Variants in MAN1C1 observed in about 807,000 individuals in gnomAD.
The protein encoded by MAN1C1 is mannosidase alpha class 1C member 1, also known as mannosyl-oligosaccharide 1,2-alpha-mannosidase IC.
MAN1C1 carries 49 observed loss-of-function variants against 71.5 expected under a neutral mutation model. The observed-to-expected ratio is 0.69, with a 90% CI of 0.54 to 0.87. The LOEUF is 0.87. MAN1C1 is among the 40% of genes least tolerant of loss of function. MAN1C1 has a pLI of 0.00. For missense variants in MAN1C1, 743 were observed against 835.0 expected (o/e 0.89, Z 1.36); for synonymous variants, 352 against 343.7 (o/e 1.02, Z -0.27).
intron 2 of MAN1C1, among the ~76,000 whole-genome samples, chr1:25,699,839 T>C (rs964891396): frequency 6.6e-6 from 1 of 152,132 alleles, no homozygotes; most frequent in Non-Finnish European, 1.5e-5. Context: ...CATGGCCACC[T>C]CTCTGGAAGG....
At chr1:25,728,720 C>T (rs1379367606) in intron 2 of MAN1C1, among the ~76,000 whole-genome samples, 3 of 152,172 alleles carry the variant, frequency 2.0e-5, no homozygotes, top group Non-Finnish European at 4.4e-5. Flanking sequence ...TATGCCCACA[C>T]CCCATTGGGT....
Position 25,687,437 on chromosome 1 carries a change from C to G in MAN1C1, c.637+901C>G, listed in dbSNP as rs76656855. Among the ~76,000 whole-genome samples the G allele has an allele frequency of 8.7e-3, 1,318 of 152,284 alleles. 25 individuals are homozygous for G. Among genetic ancestry groups the G allele is most frequent in the African/African-American group, 0.03 (1,232 of 41,542 alleles). ...CTTGTCTGCAGCCTGGCCTCCATCT[C>G]CCCTGAGGGACAGGAGTGGTGTGGG... On this transcript the variant is annotated intron_variant, in intron 2 of 11. Transcript: ENST00000374332.
chr1:25,745,375 A>G (rs1381683818), intron 2 of MAN1C1, among the ~76,000 whole-genome samples: 1 of 152,026 alleles, frequency 6.6e-6, no homozygotes, highest in Non-Finnish European at 1.5e-5. Context: ...GGTTATAAGA[A>G]AGTAACCCAT....
chr1:25,719,576 C>T (rs1198011870), intron 2 of MAN1C1, among the ~76,000 whole-genome samples: 1 of 151,848 alleles, frequency 6.6e-6, no homozygotes, highest in East Asian at 1.9e-4. Context: ...AGGCACATGC[C>T]ACCTTTCCCG....
intron 6 of MAN1C1, chr1:25,760,221 T>G (rs766732070): frequency 5.9e-5 from 9 of 152,156 alleles, no homozygotes; most frequent in Admixed American, 3.3e-4. Context: ...CCAACAACCC[T>G]ATGAGGTGGG....
intron 1 of MAN1C1, among the ~76,000 whole-genome samples, chr1:25,651,150 C>T (rs141891829): frequency 1.3e-5 from 2 of 152,282 alleles, no homozygotes; most frequent in African/African-American, 4.8e-5. Context: ...CCTGAGGACC[C>T]GGGACGGCTA....
chr1:25,771,355 G>C (rs765725581), intron 7 of MAN1C1, among the ~76,000 whole-genome samples: 5 of 152,234 alleles, frequency 3.3e-5, no homozygotes, highest in Non-Finnish European at 5.9e-5. Flanking sequence ...CTCACTTACA[G>C]TTAATAACCA....
chr1:25,682,268 G>A (rs1359484984), intron 1 of MAN1C1, among the ~76,000 whole-genome samples: 2 of 152,208 alleles, frequency 1.3e-5, no homozygotes, highest in African/African-American at 4.8e-5. Context: ...ATGCAAAGCA[G>A]GCAGACACAC....
intron 2 of MAN1C1, among the ~76,000 whole-genome samples, chr1:25,744,412 C>G (rs2047100384): frequency 6.6e-6 from 1 of 152,174 alleles, no homozygotes; most frequent in South Asian, 2.1e-4. Context: ...TTCACTTCAG[C>G]CCAAACAGGG....
At position 25,680,341 on chromosome 1, in the gene MAN1C1, G is replaced by A. The variant is rs372123136; in HGVS notation, c.541-6099G>A. 2.8e-4 allele frequency among the ~76,000 whole-genome samples: 43 copies of A among 152,256 alleles called. 1 individual carries two copies. Among genetic ancestry groups the A allele is most frequent in the African/African-American group, 1.0e-3 (42 of 41,544 alleles). On this transcript the variant is annotated intron_variant, in intron 1 of 11. Transcript: ENST00000374332. ...GCCTCCCAAAGTGCTGGGATTACAC[G>A]TGTGAGCCACCATGCCCAGCCTCAG...
Position 25,776,714 on chromosome 1 carries a change from C to T in MAN1C1, c.1258-1391C>T, listed in dbSNP as rs924414885. On this transcript the variant is annotated intron_variant, in intron 8 of 11. Transcript: ENST00000374332. This position sits in a 1 kb window ranked among gnomAD's most constrained non-coding sequence, Gnocchi z 4.3. ...CACCAAGGAAATATTACATGGCTGC[C>T]GAGATATTGTAAGCCAGGAGGGTAC... 6.6e-6 allele frequency among the ~76,000 whole-genome samples: 1 copy of T among 151,970 alleles called. No individual in the cohort carries two copies. Among genetic ancestry groups the T allele is most frequent in the African/African-American group, 2.4e-5 (1 of 41,350 alleles).
At chr1:25,691,221 G>T (rs1018823043) in intron 2 of MAN1C1, among the ~76,000 whole-genome samples, 1 of 152,188 alleles carries the variant, frequency 6.6e-6, no homozygotes, top group Non-Finnish European at 1.5e-5. Context: ...GGAGGCTGAG[G>T]CAGGAGAATC....
chr1:25,768,026 CCCACACTCCCCTCACATACAT>C (rs2047471122), intron 7 of MAN1C1, among the ~76,000 whole-genome samples: 1 of 119,046 alleles, frequency 8.4e-6, no homozygotes, highest in Non-Finnish European at 1.8e-5. Context: ...GACCCACACA[CCCACACTCCCCTCACATACAT>C]CCACACTCCC....
intron 2 of MAN1C1, among the ~76,000 whole-genome samples, chr1:25,742,123 T>C (rs2047070757): frequency 6.6e-6 from 1 of 152,102 alleles, no homozygotes; most frequent in African/African-American, 2.4e-5. Flanking sequence ...CCCTGGGAGG[T>C]AGACCTTGAA....
intron 1 of MAN1C1, among the ~76,000 whole-genome samples, chr1:25,624,625 A>G (rs2124748925): frequency 6.6e-6 from 1 of 152,354 alleles, no homozygotes; most frequent in South Asian, 2.1e-4. Flanking sequence ...TAGATGATCA[A>G]TAATTGTGCT....
At chr1:25,767,899 TAC>T (rs921780222) in intron 7 of MAN1C1, among the ~76,000 whole-genome samples, 11 of 29,136 alleles carry the variant, frequency 3.8e-4, no homozygotes, top group Non-Finnish European at 3.8e-4. Context: ...ACTCCCCTCA[TAC>T]ACACACATTA....
intron 1 of MAN1C1, among the ~76,000 whole-genome samples, chr1:25,673,086 G>T (rs1326666793): frequency 2.6e-5 from 4 of 152,124 alleles, no homozygotes; most frequent in Admixed American, 6.6e-5. Flanking sequence ...AGATGTCATC[G>T]CCAGAAATCC....
Position 25,753,384 on chromosome 1 carries a change from C to T in MAN1C1, c.835-100C>T. On this transcript the variant is annotated intron_variant, in intron 4 of 11. Transcript: ENST00000374332. The surrounding 1 kb of genome is among the most constrained non-coding windows in gnomAD (Gnocchi z 4.9). ...CTGCAGCACTGCCCCCTACTCTAGACCTGCAGCCCTGGGGGGTTCATCCTG... is the reference window on the plus strand; with the variant it reads ...CTGCAGCACTGCCCCCTACTCTAGATCTGCAGCCCTGGGGGGTTCATCCTG... 1 of 800,394 alleles carries T rather than the reference C, an allele frequency of 1.2e-6. No individual in the cohort carries two copies. The highest frequency in any genetic ancestry group is 2.8e-5 in the East Asian group (1 of 35,174). 49.6% of individuals were successfully genotyped at this position (800,394 alleles called of 1,614,324 possible). A position where few individuals can be genotyped will look rare whatever the true frequency, so the allele number is the denominator to read the frequency against.
intron 7 of MAN1C1, among the ~76,000 whole-genome samples, chr1:25,767,223 A>ACACACACC (rs372724685): frequency 0.035 from 3,822 of 109,570 alleles, 266 homozygotes; most frequent in African/African-American, 0.13. Flanking sequence ...TCCCCCATAC[A>ACACACACC]CACACACCCA....
Sources: allele counts gnomAD v4.1 joint callset (sites outside exome capture counted in the v4.1 genomes callset), GRCh38; gene constraint gnomAD v4.1.1; non-coding constraint Gnocchi (gnomAD v3.1); transcripts MANE v1.5; gene names NCBI Gene and HGNC (gene_info 2026-07-23, HGNC 2026-07-21).